Variants in KIAA1217 observed in about 807,000 individuals in gnomAD.
KIAA1217 encodes sickle tail protein homolog.
A neutral mutation model predicts 163.9 loss-of-function variants in KIAA1217; 88 were observed. That is an observed-to-expected ratio of 0.54 (90% CI 0.45 to 0.64). The LOEUF is 0.64. KIAA1217 is among the 30% of genes least tolerant of loss of function. The pLI is 0.00. For missense variants in KIAA1217, 2,372 were observed against 2,475.0 expected, an observed-to-expected ratio of 0.96 and a Z score of 0.88; for synonymous variants, 903 against 923.1, an observed-to-expected ratio of 0.98 and a Z score of 0.39.
intron 1 of KIAA1217, among the ~76,000 whole-genome samples, chr10:23,879,955 G>A (rs935216602): frequency 2.6e-5 from 4 of 151,748 alleles, no homozygotes; most frequent in African/African-American, 9.7e-5. Context: ...CAGGAAGGAA[G>A]GTTTGATTAC....
At chr10:23,782,021 C>T (rs757198930) in intron 1 of KIAA1217, among the ~76,000 whole-genome samples, 8 of 151,886 alleles carry the variant, frequency 5.3e-5, no homozygotes, top group Non-Finnish European at 8.8e-5. Flanking sequence ...ACTTTGTTTT[C>T]GTTTTTCAAG....
chr10:24,467,619 C>A (rs952717288), intron 5 of KIAA1217, among the ~76,000 whole-genome samples: 1 of 152,106 alleles, frequency 6.6e-6, no homozygotes, highest in Non-Finnish European at 1.5e-5. Context: ...TTGTTTAAAG[C>A]TTACATTATG....
rs763699546 is a variant in KIAA1217 at position 24,473,717 on chromosome 10, A to G, written c.1336A>G (p.Met446Val). The change falls in exon 6 of 21, where the codon ATG becomes GTG. Residue 446 changes from methionine (M) to valine (V), a missense_variant. Physicochemically the swap from Met to Val is conservative, Grantham distance 21. Around this residue, in one of 3 missense-constraint regions of KIAA1217, gnomAD observed 1,431 missense variants for 1,470.3 expected, o/e 0.97. Coordinates refer to ENST00000376454, the MANE Select transcript of KIAA1217 (RefSeq NM_019590.5). ...CNPSMQAEMH[M>V]EQSLYRQKSR... ...CCCCTCAATGCAAGCGGAAATGCAT[A>G]TGGAACAATCACTGTACAGACAGAA... 1 of 1,614,080 alleles carries G rather than the reference A, an allele frequency of 6.2e-7. No homozygotes were observed. The highest frequency in any genetic ancestry group is 1.1e-5 in the South Asian group (1 of 91,072).
chr10:23,764,112 A>G (rs1469223721), intron 1 of KIAA1217, among the ~76,000 whole-genome samples: 2 of 151,956 alleles, frequency 1.3e-5, no homozygotes, highest in African/African-American at 4.8e-5. Flanking sequence ...TATTTACAAG[A>G]AAAAAAACAA....
intron 3 of KIAA1217, among the ~76,000 whole-genome samples, chr10:24,386,383 C>G (rs972524024): frequency 3.3e-5 from 5 of 152,066 alleles, no homozygotes; most frequent in Admixed American, 2.0e-4. Context: ...AAAGAAGGCT[C>G]ATAATTGCCA....
chr10:24,209,377 C>T, intron 1 of KIAA1217, 114 bp downstream of exon 1: 1 of 681,734 alleles, frequency 1.5e-6, no homozygotes, highest in African/African-American at 2.0e-5. Context: ...AAAAAAAAGG[C>T]AATTTCTTGG....
intron 1 of KIAA1217, among the ~76,000 whole-genome samples, chr10:23,877,814 G>A (rs1006906150): frequency 6.6e-6 from 1 of 151,910 alleles, no homozygotes; most frequent in Non-Finnish European, 1.5e-5. Flanking sequence ...TATACCAAAT[G>A]AGCACAGGTA....
chr10:23,765,342 T>G (rs559413132), intron 1 of KIAA1217, among the ~76,000 whole-genome samples: 1 of 151,838 alleles, frequency 6.6e-6, no homozygotes, highest in Non-Finnish European at 1.5e-5. Flanking sequence ...CCCGGCTAAC[T>G]TTTTGTACTT....
At chr10:23,861,427 C>A (rs893470181) in intron 1 of KIAA1217, among the ~76,000 whole-genome samples, 2 of 152,142 alleles carry the variant, frequency 1.3e-5, no homozygotes, top group East Asian at 3.8e-4. Flanking sequence ...GCCCTGATTC[C>A]TGGGAGCTGT....
upstream of KIAA1217, chr10:24,208,776 T>C (rs186541576): frequency 2.4e-3 from 393 of 163,790 alleles, 5 homozygotes; most frequent in African/African-American, 8.8e-3. Flanking sequence ...TGAAATGTTT[T>C]CCTTCCTCGG....
At chr10:24,226,177 G>C (rs1324160194) in intron 2 of KIAA1217, among the ~76,000 whole-genome samples, 10 of 152,192 alleles carry the variant, frequency 6.6e-5, no homozygotes, top group Middle Eastern at 3.4e-3. Flanking sequence ...AGAATTTCCA[G>C]TTTATGGTCT....
At chr10:23,972,743 G>A (rs996544716) in intron 1 of KIAA1217, among the ~76,000 whole-genome samples, 49 of 151,694 alleles carry the variant, frequency 3.2e-4, no homozygotes, top group African/African-American at 1.1e-3. Context: ...TAAAGAAAAT[G>A]TGGCACATAC....
At chr10:24,244,561 C>CTTTT (rs11318420) in intron 2 of KIAA1217, among the ~76,000 whole-genome samples, 222 of 85,170 alleles carry the variant, frequency 2.6e-3, no homozygotes, top group South Asian at 3.4e-3. Context: ...TTCTTTCTTT[C>CTTTT]TTTTTTTTTT....
chr10:24,157,720 T>C lies in KIAA1217; in HGVS notation c.-170-61906T>C, dbSNP rs1780350273. The C allele has an allele frequency of 1.1e-5, 3 of 261,610 alleles. 1 individual carries two copies. In the South Asian group the frequency reaches 3.5e-4, roughly 30 times the overall value. 16.2% of individuals were successfully genotyped at this position (261,610 alleles called of 1,614,324 possible). A position where few individuals can be genotyped will look rare whatever the true frequency, so the allele number is the denominator to read the frequency against. On this transcript the variant is annotated intron_variant, in intron 2 of 18. Transcript: ENST00000376462. ...GAATGCAAATTAATGAGATTATAAC[T>C]CTCAGTATAGCTAAAATTAAAAAGA...
intron 1 of KIAA1217, among the ~76,000 whole-genome samples, chr10:23,812,547 C>A (rs1305182160): frequency 6.6e-6 from 1 of 151,964 alleles, no homozygotes; most frequent in East Asian, 1.9e-4. Context: ...ACATTACATA[C>A]AAGTTACTCA....
chr10:23,945,051 T>C (rs1324289572), intron 1 of KIAA1217, among the ~76,000 whole-genome samples: 1 of 130,448 alleles, frequency 7.7e-6, no homozygotes, highest in Non-Finnish European at 1.5e-5. Flanking sequence ...AGAACAAGAC[T>C]CTATCTCAAA....
intron 2 of KIAA1217, among the ~76,000 whole-genome samples, chr10:24,295,597 A>C (rs1380996701): frequency 6.6e-6 from 1 of 152,056 alleles, no homozygotes; most frequent in African/African-American, 2.4e-5. Context: ...GTGCTTCCCC[A>C]GTTGTTCTCA....
At chr10:24,452,630 C>T (rs1417400904) in intron 5 of KIAA1217, among the ~76,000 whole-genome samples, 6 of 145,316 alleles carry the variant, frequency 4.1e-5, no homozygotes, top group African/African-American at 1.5e-4. Context: ...TGCAGTGAGC[C>T]GAGATCGCAC....
At chr10:24,187,741 T>G (rs1388214501) in intron 2 of KIAA1217, among the ~76,000 whole-genome samples, 1 of 148,882 alleles carries the variant, frequency 6.7e-6, no homozygotes, top group African/African-American at 2.5e-5. Context: ...AAAAACGAAA[T>G]TAGCCAGGCA....
Sources: gnomAD v4.1 joint callset for allele counts (sites outside exome capture counted in the v4.1 genomes callset) on GRCh38, gnomAD v4.1.1 for gene constraint, gnomAD v4.1.1 regional missense constraint, MANE v1.5 for transcripts, NCBI Gene and HGNC (gene_info 2026-07-23, HGNC 2026-07-21) for gene names.